PCDHGA4: variants seen among roughly 807,000 people sequenced by gnomAD.
PCDHGA4 encodes protocadherin gamma-A4.
PCDHGA4 carries 38 observed loss-of-function variants against 54.6 expected under a neutral mutation model. That is an observed-to-expected ratio of 0.70 (90% CI 0.54 to 0.91). PCDHGA4 has a LOEUF of 0.91. Ranked by LOEUF, PCDHGA4 falls within the 40% of genes least tolerant of loss-of-function variation. PCDHGA4 has a pLI of 0.00. For missense variants in PCDHGA4, 1,298 were observed against 1,220.9 expected (o/e 1.06, Z -0.94); for synonymous variants, 511 against 512.9 (o/e 1.00, Z 0.05).
At chr5:141,456,873 G>A (rs2098894054) in intron 1 of PCDHGA4, among the ~76,000 whole-genome samples, 1 of 152,152 alleles carries the variant, frequency 6.6e-6, no homozygotes, top group Non-Finnish European at 1.5e-5. Context: ...TGAGGCAGGA[G>A]AATCGCTTGA....
Position 141,431,872 on chromosome 5 carries a change from A to G in PCDHGA4, c.2515-62935A>G, listed in dbSNP as rs2097425104. 5 of 1,614,222 alleles carry G rather than the reference A, an allele frequency of 3.1e-6. No individual in the cohort carries two copies. The highest frequency in any genetic ancestry group is 4.2e-6 in the Non-Finnish European group (5 of 1,180,002). ...GGACATTAATTGCCCTTTTAAATGT[A>G]AATGACCAAGATTCTGAGGAAAACG... On this transcript the variant is annotated intron_variant, in intron 1 of 3. Transcript: ENST00000571252. The surrounding 1 kb of genome is among the most constrained non-coding windows in gnomAD (Gnocchi z 4.8).
At chr5:141,421,702 A>G (rs2096594027) in intron 1 of PCDHGA4, 1 of 1,613,950 alleles carries the variant, frequency 6.2e-7, no homozygotes, top group Non-Finnish European at 8.5e-7. Context: ...TCCTAATGCT[A>G]GGGATCCAGA....
intron 1 of PCDHGA4, among the ~76,000 whole-genome samples, chr5:141,460,050 C>T (rs1477206197): frequency 6.6e-6 from 1 of 152,064 alleles, no homozygotes; most frequent in Non-Finnish European, 1.5e-5. Context: ...TGCACTCCAG[C>T]CTGGGCAACA....
chr5:141,491,233 G>T lies in PCDHGA4; in HGVS notation c.2515-3574G>T. 1 of 1,614,224 alleles carries T rather than the reference G, an allele frequency of 6.2e-7. No homozygotes were observed. The highest frequency in any genetic ancestry group is 2.2e-5 in the East Asian group (1 of 44,890). On this transcript the variant is annotated intron_variant, in intron 1 of 3. Transcript: ENST00000571252. The surrounding 1 kb of genome is among the most constrained non-coding windows in gnomAD (Gnocchi z 6.9). ...CTCCTCCACAGCCACAGTGCTGCTG[G>T]TTCTGGAGGATGAGGACCCTGAGGA...
chr5:141,399,960 G>T, intron 1 of PCDHGA4: 1 of 1,612,214 alleles, frequency 6.2e-7, no homozygotes, highest in Non-Finnish European at 8.5e-7. Flanking sequence ...GCGAGCCCGG[G>T]CTCTTCAGCC....
intron 1 of PCDHGA4, chr5:141,361,146 T>C (rs1761903923): frequency 1.2e-6 from 2 of 1,613,968 alleles, no homozygotes; most frequent in East Asian, 4.5e-5. Context: ...AAGTTGAAAT[T>C]CTTGATGACA....
At position 141,361,943 on chromosome 5, in the gene PCDHGA4, G is replaced by T. The variant is rs758202252; in HGVS notation, c.2514+4322G>T. ...GACGCAGACTCAGGACACAACGCTTGGCTGTCCTACCACGTGCTGCAGGCC... is the reference window on the plus strand; with the variant it reads ...GACGCAGACTCAGGACACAACGCTTTGCTGTCCTACCACGTGCTGCAGGCC... On this transcript the variant is annotated intron_variant, in intron 1 of 3. Coordinates refer to ENST00000571252, the MANE Select transcript of PCDHGA4 (RefSeq NM_018917.4). 6.2e-6 allele frequency: 10 copies of T among 1,605,254 alleles called. No individual in the cohort carries two copies. In the Admixed American group the frequency reaches 1.7e-4, roughly 27 times the overall value.
At chr5:141,372,631 G>C (rs1768931705) in intron 1 of PCDHGA4, 1 of 1,613,884 alleles carries the variant, frequency 6.2e-7, no homozygotes, top group Non-Finnish European at 8.5e-7. Context: ...TACAGCGAAA[G>C]GACTTTGCCT....
At chr5:141,499,730 T>C (rs1412528402) in intron 2 of PCDHGA4, among the ~76,000 whole-genome samples, 1 of 143,912 alleles carries the variant, frequency 6.9e-6, no homozygotes, top group East Asian at 2.1e-4. Context: ...AGTCTCACTC[T>C]CTTGCCCAGG....
chr5:141,386,000 AT>A (rs1420495491), intron 1 of PCDHGA4: 3 of 152,258 alleles, frequency 2.0e-5, no homozygotes, highest in Admixed American at 6.5e-5. Flanking sequence ...ATAAAATGTC[AT>A]TTTAAGTGTT....
intron 1 of PCDHGA4, chr5:141,418,768 T>C (rs1216316680): frequency 6.2e-7 from 1 of 1,613,712 alleles, no homozygotes; most frequent in Non-Finnish European, 8.5e-7. Context: ...ACATTCTAAC[T>C]CAGCAGCCTT....
At chr5:141,457,448 A>G (rs1296079061) in intron 1 of PCDHGA4, among the ~76,000 whole-genome samples, 2 of 152,196 alleles carry the variant, frequency 1.3e-5, no homozygotes, top group Non-Finnish European at 2.9e-5. Flanking sequence ...GCAGAAGATC[A>G]CCACTTGATT....
chr5:141,404,490 T>G lies in PCDHGA4; in HGVS notation c.2514+46869T>G, dbSNP rs748668164. On this transcript the variant is annotated intron_variant, in intron 1 of 3. Transcript: ENST00000571252. Reference sequence around the variant, plus strand: ...GTCTCTATTAACTCAGACACTGGTGTGCTGTATGCTCTGTGCTCCTTTGAC... The same window carrying G: ...GTCTCTATTAACTCAGACACTGGTGGGCTGTATGCTCTGTGCTCCTTTGAC... 10 of 1,613,632 alleles carry G rather than the reference T, an allele frequency of 6.2e-6. No homozygotes were observed. The Admixed American group carries it at 1.2e-4, about 19-fold the overall frequency.
intron 1 of PCDHGA4, chr5:141,376,373 C>G (rs368702591): frequency 1.2e-6 from 2 of 1,614,192 alleles, no homozygotes; most frequent in Non-Finnish European, 1.7e-6. Flanking sequence ...TGCAGACTCG[C>G]GTAAGAGTCA....
chr5:141,494,901 G>C, intron 2 of PCDHGA4, 36 bp downstream of exon 2: 1 of 1,614,050 alleles, frequency 6.2e-7, no homozygotes, highest in Non-Finnish European at 8.5e-7. Context: ...CCTCTTCTCT[G>C]CGGCATTTTC....
intron 1 of PCDHGA4, chr5:141,409,680 C>T (rs756713114): frequency 1.9e-6 from 3 of 1,613,242 alleles, no homozygotes; most frequent in African/African-American, 1.3e-5. Context: ...TCTATAGTGG[C>T]GAGTGACCTA....
chr5:141,369,505 GA>G (rs1379316544), intron 1 of PCDHGA4, among the ~76,000 whole-genome samples: 2 of 150,654 alleles, frequency 1.3e-5, no homozygotes, highest in Non-Finnish European at 1.5e-5. Flanking sequence ...CACCTCTATA[GA>G]AAAAAAAAGT....
In PCDHGA4 at chr5:141,410,620, G is replaced by C. The variant is rs765125633; in HGVS notation, c.2514+52999G>C. ...CTTCACATCCTGAGACTCTGACTTC[G>C]GTGAGTTTCTCTTTTTTGTGTGTGA... On this transcript the variant is annotated intron_variant, in intron 1 of 3. Coordinates refer to ENST00000571252, the MANE Select transcript of PCDHGA4 (RefSeq NM_018917.4). The C allele has an allele frequency of 3.4e-5, 55 of 1,603,406 alleles. 1 individual carries two copies. The highest frequency in any genetic ancestry group is 2.8e-4 in the Admixed American group (17 of 59,744).
intron 1 of PCDHGA4, chr5:141,385,127 T>C: frequency 6.2e-7 from 1 of 1,614,222 alleles, no homozygotes. Context: ...TTTGTGGGCA[T>C]GGACGGGGTG....
Sources: allele counts gnomAD v4.1 joint callset (sites outside exome capture counted in the v4.1 genomes callset), GRCh38; gene constraint gnomAD v4.1.1; non-coding constraint Gnocchi (gnomAD v3.1); transcripts MANE v1.5; gene names NCBI Gene and HGNC (gene_info 2026-07-23, HGNC 2026-07-21).